The following ARHGAP10 variants were observed in gnomAD, a reference collection of about 807,000 sequenced individuals.
ARHGAP10 encodes rho GTPase-activating protein 10.
ARHGAP10 carries 87 observed loss-of-function variants against 108.6 expected under a neutral mutation model. The ratio of observed to expected loss-of-function variants is 0.80; its 90% CI spans 0.67 to 0.96. The LOEUF (loss-of-function observed/expected upper bound fraction) is 0.96. Ranked by LOEUF, ARHGAP10 falls within the 40% of genes least tolerant of loss-of-function variation. ARHGAP10 has a pLI of 0.00. For synonymous variants in ARHGAP10, 347 were observed against 341.1 expected (o/e 1.02, Z -0.19); for missense variants, 939 against 954.5 (o/e 0.98, Z 0.21).
intron 18 of ARHGAP10, among the ~76,000 whole-genome samples, chr4:147,982,275 G>A (rs897719201): frequency 6.6e-6 from 1 of 151,482 alleles, no homozygotes; most frequent in Non-Finnish European, 1.5e-5. Flanking sequence ...TTTTTCTTTT[G>A]CGTTGATCTT....
At chr4:147,737,735 T>G (rs1229522771) in intron 1 of ARHGAP10, among the ~76,000 whole-genome samples, 1 of 152,186 alleles carries the variant, frequency 6.6e-6, no homozygotes, top group Non-Finnish European at 1.5e-5. Flanking sequence ...GTAGACCGGC[T>G]GTGAAAATAA....
intron 1 of ARHGAP10, among the ~76,000 whole-genome samples, chr4:147,743,162 T>C (rs1728762279): frequency 6.6e-6 from 1 of 151,506 alleles, no homozygotes. Flanking sequence ...ACCTCCCGAG[T>C]AGCTGGGATT....
At chr4:147,874,706 A>G (rs4835103) in intron 7 of ARHGAP10, among the ~76,000 whole-genome samples, 111,818 of 152,084 alleles carry the variant, frequency 0.74, 46,037 homozygotes, top group Non-Finnish European at 0.92. Flanking sequence ...CCTAAAATTT[A>G]GTAATAGTGT....
rs564636906 is a variant in ARHGAP10, at chr4:147,894,587, G to T, written c.1035-12051G>T. Among the ~76,000 whole-genome samples, 6 of 151,936 alleles carry T rather than the reference G, an allele frequency of 3.9e-5. No individual in the cohort carries two copies. In the South Asian group the frequency reaches 1.2e-3, roughly 32 times the overall value. Reference sequence around the variant, plus strand: ...TCAGTTTAAAAACATTTTATTAAGGGCTTCTTGCACCAAGAAATATTTTTT... The same window carrying T: ...TCAGTTTAAAAACATTTTATTAAGGTCTTCTTGCACCAAGAAATATTTTTT... On this transcript the variant is annotated intron_variant, in intron 10 of 22. Transcript: ENST00000336498.
At chr4:147,944,673 A>T (rs1445184310) in intron 14 of ARHGAP10, among the ~76,000 whole-genome samples, 2 of 152,164 alleles carry the variant, frequency 1.3e-5, no homozygotes, top group African/African-American at 4.8e-5. Context: ...AGTATAAGGG[A>T]GGGAAAAAAC....
At chr4:148,071,121 A>AG (rs1285417992) in intron 22 of ARHGAP10, among the ~76,000 whole-genome samples, 1 of 152,204 alleles carries the variant, frequency 6.6e-6, no homozygotes, top group Non-Finnish European at 1.5e-5. Context: ...TCTAAACAGG[A>AG]GGAACTACCT....
At chr4:147,971,520 C>G (rs1244896269) in intron 18 of ARHGAP10, among the ~76,000 whole-genome samples, 1 of 152,102 alleles carries the variant, frequency 6.6e-6, no homozygotes, top group Non-Finnish European at 1.5e-5. Context: ...TGGAAAGTTT[C>G]CCCAGTAAGT....
chr4:147,757,742 C>T (rs1729439157), intron 1 of ARHGAP10, among the ~76,000 whole-genome samples: 1 of 152,226 alleles, frequency 6.6e-6, no homozygotes, highest in Non-Finnish European at 1.5e-5. Flanking sequence ...AGTCACCTTC[C>T]TAAGAGAATC....
At chr4:147,979,388 T>C (rs1332172405) in intron 18 of ARHGAP10, among the ~76,000 whole-genome samples, 1 of 152,158 alleles carries the variant, frequency 6.6e-6, no homozygotes, top group Admixed American at 6.6e-5. Flanking sequence ...CAGGGGTCTG[T>C]GTTCTGTTCC....
At chr4:147,817,164 C>T (rs367587336) in intron 1 of ARHGAP10, among the ~76,000 whole-genome samples, 2 of 152,132 alleles carry the variant, frequency 1.3e-5, no homozygotes, top group African/African-American at 4.8e-5. Context: ...TCTTTTCAAG[C>T]CCAGGATTAT....
chr4:148,056,139 A>G (rs2149685867), intron 20 of ARHGAP10, among the ~76,000 whole-genome samples: 1 of 152,210 alleles, frequency 6.6e-6, no homozygotes, highest in East Asian at 1.9e-4. Flanking sequence ...TGAAGTATTT[A>G]CTCTCTGGCC....
chr4:147,810,016 T>C (rs1288114690), intron 1 of ARHGAP10, among the ~76,000 whole-genome samples: 21 of 152,250 alleles, frequency 1.4e-4, no homozygotes, highest in Non-Finnish European at 2.5e-4. Flanking sequence ...TTATTTAGTA[T>C]TTTCTCTATA....
At chr4:147,998,962 G>T (rs143947806) in intron 18 of ARHGAP10, among the ~76,000 whole-genome samples, 277 of 152,300 alleles carry the variant, frequency 1.8e-3, no homozygotes, top group African/African-American at 6.0e-3. Flanking sequence ...AAACGAGGTG[G>T]TATCTAAAAC....
chr4:147,988,749 C>T (rs892737831), intron 18 of ARHGAP10, among the ~76,000 whole-genome samples: 1 of 152,070 alleles, frequency 6.6e-6, no homozygotes, highest in African/African-American at 2.4e-5. Flanking sequence ...TTGACTTTTC[C>T]CCCACACTTC....
chr4:147,819,290 C>G (rs1317502178), intron 1 of ARHGAP10, among the ~76,000 whole-genome samples: 2 of 151,982 alleles, frequency 1.3e-5, no homozygotes, highest in East Asian at 3.9e-4. Context: ...TTATGCCAGT[C>G]TATTCATAGC....
chr4:147,951,963 C>T lies in ARHGAP10; in HGVS notation c.1392-3353C>T, dbSNP rs1012476796. Among the ~76,000 whole-genome samples the T allele has an allele frequency of 4.6e-5, 7 of 152,158 alleles. No homozygotes were observed. In the East Asian group the frequency reaches 7.7e-4, roughly 17 times the overall value. On this transcript the variant is annotated intron_variant, in intron 15 of 22. Transcript: ENST00000336498. The stretch of plus-strand genomic sequence containing the variant: ...CTCTCACACCCTACGGAAGTAGCCT[C>T]ATCCACTAAAATGTTACTTTGCAAT...
rs565847795 is a variant in ARHGAP10 at position 147,745,701 on chromosome 4, C to T, written c.154+13246C>T. On this transcript the variant is annotated intron_variant, in intron 1 of 22. Coordinates refer to ENST00000336498, the MANE Select transcript of ARHGAP10 (RefSeq NM_024605.4). The stretch of plus-strand genomic sequence containing the variant: ...AGAGACGGGGTTTCACCGTGTTAGC[C>T]AGGATGGTCTCCATCTCCTGACCTC... 3.9e-5 allele frequency among the ~76,000 whole-genome samples: 6 copies of T among 151,970 alleles called. No homozygotes were observed. The South Asian group carries it at 1.3e-3, about 32-fold the overall frequency.
intron 1 of ARHGAP10, among the ~76,000 whole-genome samples, chr4:147,753,435 C>G (rs1382559522): frequency 2.0e-5 from 3 of 151,774 alleles, no homozygotes; most frequent in Non-Finnish European, 4.4e-5. Context: ...CCTCTGCCTC[C>G]TGGGTTCAAG....
At chr4:147,900,445 C>G (rs1460871430) in intron 10 of ARHGAP10, among the ~76,000 whole-genome samples, 1 of 152,108 alleles carries the variant, frequency 6.6e-6, no homozygotes, top group Non-Finnish European at 1.5e-5. Context: ...GCAGCTTGCC[C>G]TTTTTCACTT....
Sources: gnomAD v4.1 joint callset for allele counts (sites outside exome capture counted in the v4.1 genomes callset) on GRCh38, gnomAD v4.1.1 for gene constraint, MANE v1.5 for transcripts, NCBI Gene and HGNC (gene_info 2026-07-23, HGNC 2026-07-21) for gene names.